The following SNTG2 variants were observed in gnomAD, a reference collection of about 807,000 sequenced individuals.
SNTG2 encodes the protein gamma-2-syntrophin.
SNTG2 carries 74 observed loss-of-function variants against 70.9 expected under a neutral mutation model. That is an observed-to-expected ratio of 1.04 (90% CI 0.86 to 1.27). The LOEUF (loss-of-function observed/expected upper bound fraction) is 1.27. Ranked by LOEUF, SNTG2 falls within the 50% of genes most tolerant of loss-of-function variation. The pLI is 0.00. For missense variants in SNTG2, 717 were observed against 690.7 expected (o/e 1.04, Z -0.43); for synonymous variants, 278 against 273.8 (o/e 1.02, Z -0.15).
Position 1,298,243 on chromosome 2 carries a change from G to A in SNTG2, c.1285-10251G>A, listed in dbSNP as rs151115407. Among the ~76,000 whole-genome samples, 732 of 151,980 alleles carry A rather than the reference G, an allele frequency of 4.8e-3. 7 individuals carry two copies. Among genetic ancestry groups the A allele is most frequent in the African/African-American group, 0.016 (672 of 41,420 alleles). On this transcript the variant is annotated intron_variant, in intron 14 of 16. Coordinates refer to ENST00000308624, the MANE Select transcript of SNTG2 (RefSeq NM_018968.4). Reference sequence around the variant, plus strand: ...TGCCTCCCAGGCTCAAGAGAGTCTCGTGTCTCAACCTCCTGAGTAGCTGGA... The same window carrying A: ...TGCCTCCCAGGCTCAAGAGAGTCTCATGTCTCAACCTCCTGAGTAGCTGGA...
chr2:1,217,535 C>A (rs1674474949), intron 9 of SNTG2, among the ~76,000 whole-genome samples: 1 of 152,188 alleles, frequency 6.6e-6, no homozygotes, highest in Non-Finnish European at 1.5e-5. Flanking sequence ...CTCAAGTTCT[C>A]CAACAGGAAA....
At chr2:1,126,513 A>G (rs948712769) in intron 4 of SNTG2, among the ~76,000 whole-genome samples, 75 of 152,334 alleles carry the variant, frequency 4.9e-4, no homozygotes, top group Non-Finnish European at 9.3e-4. Context: ...GGTTTGCCAG[A>G]ATCATATGGT....
At chr2:1,188,818 T>A (rs1371873636) in intron 8 of SNTG2, among the ~76,000 whole-genome samples, 1 of 152,150 alleles carries the variant, frequency 6.6e-6, no homozygotes, top group Non-Finnish European at 1.5e-5. Flanking sequence ...TTAACAAAGT[T>A]GAACACATGG....
At chr2:1,214,804 C>T (rs1674274184) in intron 9 of SNTG2, among the ~76,000 whole-genome samples, 1 of 152,092 alleles carries the variant, frequency 6.6e-6, no homozygotes, top group South Asian at 2.1e-4. Flanking sequence ...ACATATTTAT[C>T]TTGTTCTGGA....
In SNTG2 at chr2:1,360,652, A is replaced by AAC. The variant is rs904790058; in HGVS notation, c.1489-6690_1489-6689insCA. Among the ~76,000 whole-genome samples, 3 of 12,576 alleles carry AAC rather than the reference A, an allele frequency of 2.4e-4. No homozygotes were observed. In the East Asian group the frequency reaches 0.14, roughly 572 times the overall value. 8.3% of individuals were successfully genotyped at this position (12,576 alleles called of 152,430 possible). A position where few individuals can be genotyped will look rare whatever the true frequency, so the allele number is the denominator to read the frequency against. ...CCTTTTCTTAAAAACACAAACAAAC[A>AAC]AAAAAAAAGTCTGTCCCTAGGGGAT... On this transcript the variant is annotated intron_variant, in intron 16 of 16. Coordinates refer to ENST00000308624, the MANE Select transcript of SNTG2 (RefSeq NM_018968.4).
At chr2:1,010,470 C>T (rs914982551) in intron 1 of SNTG2, among the ~76,000 whole-genome samples, 7 of 152,172 alleles carry the variant, frequency 4.6e-5, no homozygotes, top group African/African-American at 1.7e-4. Flanking sequence ...TCCCTCTGGT[C>T]AAAATCACTC....
intron 9 of SNTG2, among the ~76,000 whole-genome samples, chr2:1,220,906 G>A (rs1674715545): frequency 1.3e-5 from 2 of 152,202 alleles, no homozygotes; most frequent in African/African-American, 2.4e-5. Flanking sequence ...CCACTGCTAA[G>A]CAGATGAATG....
At chr2:1,270,878 T>G (rs1040935076) in intron 14 of SNTG2, among the ~76,000 whole-genome samples, 4 of 152,228 alleles carry the variant, frequency 2.6e-5, no homozygotes, top group African/African-American at 9.6e-5. Flanking sequence ...CTGATTTTTC[T>G]TTACTAATTG....
In SNTG2 at chr2:1,255,918, AAATATAT is replaced by A. The variant is rs200590833; in HGVS notation, c.1006-3449_1006-3443del. 5.1e-3 allele frequency among the ~76,000 whole-genome samples: 360 copies of A among 71,246 alleles called. 8 individuals are homozygous for A. The highest frequency in any genetic ancestry group is 0.028 in the African/African-American group (334 of 11,848). The allele number at this position is 71,246 out of a possible 152,430, so 46.7% of individuals were successfully genotyped here. On this transcript the variant is annotated intron_variant, in intron 12 of 16. Coordinates refer to ENST00000308624, the MANE Select transcript of SNTG2 (RefSeq NM_018968.4). ...TAAATATATATATAAATATATATAT[AAATATAT>A]AAATATATAAATATATATATATATA...
At chr2:1,075,410 C>T (rs1298075754) in intron 1 of SNTG2, among the ~76,000 whole-genome samples, 1 of 152,218 alleles carries the variant, frequency 6.6e-6, no homozygotes, top group Non-Finnish European at 1.5e-5. Context: ...AAACTCTTAA[C>T]TTTGATGGGC....
chr2:1,131,737 C>T (rs1243400437), intron 4 of SNTG2, among the ~76,000 whole-genome samples: 4 of 151,832 alleles, frequency 2.6e-5, no homozygotes, highest in Non-Finnish European at 5.9e-5. Context: ...CTGCAACCTC[C>T]ACCTCCCGGG....
intron 1 of SNTG2, among the ~76,000 whole-genome samples, chr2:983,807 C>G (rs894736790): frequency 6.6e-6 from 1 of 152,210 alleles, no homozygotes; most frequent in African/African-American, 2.4e-5. Context: ...TTGTGGGCAC[C>G]CTCCACCATG....
intron 16 of SNTG2, among the ~76,000 whole-genome samples, chr2:1,321,333 T>C (rs1681510703): frequency 1.3e-5 from 2 of 152,316 alleles, no homozygotes; most frequent in South Asian, 4.1e-4. Flanking sequence ...GGAGAAACAC[T>C]ACCGTGTATT....
At chr2:957,799 G>C (rs188646039) in intron 1 of SNTG2, among the ~76,000 whole-genome samples, 1 of 152,282 alleles carries the variant, frequency 6.6e-6, no homozygotes, top group Non-Finnish European at 1.5e-5. Context: ...AGGCAGGAAG[G>C]AGGCTCCCTG....
chr2:1,340,413 G>A (rs570336187), intron 16 of SNTG2, among the ~76,000 whole-genome samples: 6 of 152,266 alleles, frequency 3.9e-5, no homozygotes, highest in Non-Finnish European at 7.3e-5. Flanking sequence ...CATACTAATC[G>A]AAGGAGAGAT....
At chr2:1,038,279 C>T (rs1457484068) in intron 1 of SNTG2, among the ~76,000 whole-genome samples, 1 of 152,154 alleles carries the variant, frequency 6.6e-6, no homozygotes, top group Non-Finnish European at 1.5e-5. Context: ...TTCCATAATA[C>T]ATTTTGGGCA....
At chr2:989,349 C>T (rs1244269300) in intron 1 of SNTG2, among the ~76,000 whole-genome samples, 1 of 116,394 alleles carries the variant, frequency 8.6e-6, no homozygotes, top group Admixed American at 1.0e-4. Flanking sequence ...AATTGTCACA[C>T]TCAGTAGATT....
At chr2:1,321,517 C>T (rs1166211872) in intron 16 of SNTG2, among the ~76,000 whole-genome samples, 1 of 152,130 alleles carries the variant, frequency 6.6e-6, no homozygotes, top group East Asian at 1.9e-4. Flanking sequence ...GTTTCTGATA[C>T]TGAGACCTGG....
At chr2:1,162,046 C>T in intron 6 of SNTG2, among the ~76,000 whole-genome samples, 1 of 133,798 alleles carries the variant, frequency 7.5e-6, no homozygotes, top group Non-Finnish European at 1.5e-5. Context: ...TGCACTCCAG[C>T]CTGGGCGACA....
Sources: allele counts gnomAD v4.1 joint callset (sites outside exome capture counted in the v4.1 genomes callset), GRCh38; gene constraint gnomAD v4.1.1; transcripts MANE v1.5; gene names NCBI Gene and HGNC (gene_info 2026-07-23, HGNC 2026-07-21).